The following CACNA1H variants were observed in gnomAD, a reference collection of about 807,000 sequenced individuals.
The protein encoded by CACNA1H is voltage-dependent T-type calcium channel subunit alpha-1H.
In CACNA1H, 149 loss-of-function variants were observed where a neutral mutation model predicts 192.5. The ratio of observed to expected loss-of-function variants is 0.77; its 90% CI spans 0.68 to 0.89. The LOEUF (loss-of-function observed/expected upper bound fraction) is 0.89, where lower values mean the gene tolerates loss of function less well. Among genes scored for constraint, CACNA1H ranks in the 40% least tolerant of loss-of-function variants. The pLI is 0.00. For synonymous variants in CACNA1H, 2,202 were observed against 1,475.2 expected (o/e 1.49, Z -11.29); for missense variants, 4,257 against 3,423.5 (o/e 1.24, Z -6.08).
rs745354512 is a variant in CACNA1H at position 1,207,788 on chromosome 16, G to A, written c.3082G>A (p.Asp1028Asn). The change falls in exon 15 of 35, where the codon GAC (aspartate) becomes AAC (asparagine). Residue 1028 changes from aspartate to asparagine, a missense_variant. Coordinates refer to ENST00000348261, the MANE Select transcript of CACNA1H (RefSeq NM_021098.3). ...FQAEGDANRS[D>N]TDEDKTSVHF... ...GGTTTAGGGCGATGCCAACAGATCC[G>A]ACACGGACGAGGACAAGACGTCGGT... is the stretch of plus-strand genomic sequence containing the variant. 64 of 1,600,472 alleles carry A rather than the reference G, an allele frequency of 4.0e-5. No homozygotes were observed. Among genetic ancestry groups the A allele is most frequent in the East Asian group, 1.8e-4 (8 of 43,980 alleles).
chr16:1,208,306 A>AGGGC, intron 16 of CACNA1H, 85 bp downstream of exon 16: 1 of 925,872 alleles, frequency 1.1e-6, no homozygotes, highest in East Asian at 2.6e-5. Context: ...AAGATGAGTG[A>AGGGC]GGGCCGCACC....
intron 2 of CACNA1H, among the ~76,000 whole-genome samples, chr16:1,181,485 G>T (rs376763204): frequency 6.6e-6 from 1 of 152,230 alleles, no homozygotes; most frequent in Admixed American, 6.5e-5. Flanking sequence ...GGTCCTTGCC[G>T]GTGTGGCTGC....
At position 1,212,298 on chromosome 16, in the gene CACNA1H, C is replaced by T. The variant is rs1194533080; in HGVS notation, c.4759+160C>T. 2.0e-5 allele frequency: 25 copies of T among 1,230,322 alleles called. 1 individual carries two copies. Among genetic ancestry groups the T allele is most frequent in the South Asian group, 1.1e-4 (7 of 63,574 alleles). 76.2% of individuals were successfully genotyped at this position (1,230,322 alleles called of 1,614,324 possible). On this transcript the variant is annotated intron_variant, in intron 25 of 34. Coordinates refer to ENST00000348261, the MANE Select transcript of CACNA1H (RefSeq NM_021098.3). Reference sequence around the variant, plus strand: ...GGGCTGGGCCTTGGAGGGGCTGGCCCGAGAGGGCCGTCGGGGAGCCCGCCA... The same window carrying T: ...GGGCTGGGCCTTGGAGGGGCTGGCCTGAGAGGGCCGTCGGGGAGCCCGCCA...
intron 4 of CACNA1H, 21 bp downstream of exon 4, chr16:1,195,586 G>A (rs1157119281): frequency 1.9e-6 from 3 of 1,583,400 alleles, no homozygotes; most frequent in Non-Finnish European, 2.6e-6. Flanking sequence ...CCTGGGAGAG[G>A]CCACAGCGCT....
At chr16:1,209,530 G>A in intron 17 of CACNA1H, 118 bp downstream of exon 17, 1 of 1,303,880 alleles carries the variant, frequency 7.7e-7, no homozygotes, top group South Asian at 1.4e-5. Context: ...GATTCAGAAG[G>A]GGAGAGAAGC....
rs2995507 is a variant in CACNA1H at position 1,191,446 on chromosome 16, A to G, written c.300-3526A>G. 9.9e-3 allele frequency among the ~76,000 whole-genome samples: 308 copies of G among 31,022 alleles called. 19 individuals carry two copies. Among genetic ancestry groups the G allele is most frequent in the Non-Finnish European group, 0.011 (200 of 17,572 alleles). 20.4% of individuals were successfully genotyped at this position (31,022 alleles called of 152,430 possible). Reference sequence around the variant, plus strand: ...TGGCTGTGTGGCCTCAGGCACACTCAGGGTTTTGGTGACCCAGCAGGCTGG... The same window carrying G: ...TGGCTGTGTGGCCTCAGGCACACTCGGGGTTTTGGTGACCCAGCAGGCTGG... On this transcript the variant is annotated intron_variant, in intron 2 of 34. Coordinates refer to ENST00000348261, the MANE Select transcript of CACNA1H (RefSeq NM_021098.3).
chr16:1,206,213 C>T lies in CACNA1H; in HGVS notation c.2713C>T (p.Leu905Phe), dbSNP rs1208978726. 6 of 1,593,210 alleles carry T rather than the reference C, an allele frequency of 3.8e-6. No individual in the cohort carries two copies. Among genetic ancestry groups the T allele is most frequent in the Non-Finnish European group, 5.1e-6 (6 of 1,170,820 alleles). The change falls in exon 12 of 35, where the codon CTC becomes TTC. Residue 905 changes from leucine (L) to phenylalanine (F), a missense_variant. By Grantham distance (22) the Leu-to-Phe change is conservative. Transcript: ENST00000348261. Reference protein sequence around the residue: ...VRFLPALRRQLVVLVKTMDNV... With the variant: ...VRFLPALRRQFVVLVKTMDNV... The stretch of plus-strand genomic sequence containing the variant: ...CTTTCTGCCAGCCCTGCGGCGCCAG[C>T]TCGTGGTGCTGGTGAAGACCATGGA...
chr16:1,210,608 A>G lies in CACNA1H; in HGVS notation c.3995A>G (p.Asn1332Ser), dbSNP rs1969322876. The G allele has an allele frequency of 6.2e-6, 10 of 1,607,882 alleles. No homozygotes were observed. The highest frequency in any genetic ancestry group is 1.1e-5 in the South Asian group (1 of 91,074). ...GAGCGGGTCTTCCTCAGCGTCTCCAATTACATCTTCACGGCCATCTTCGTG... is the reference window on the plus strand; with the variant it reads ...GAGCGGGTCTTCCTCAGCGTCTCCAGTTACATCTTCACGGCCATCTTCGTG... ...STERVFLSVSNYIFTAIFVAE... is the reference protein window; with the variant it reads ...STERVFLSVSSYIFTAIFVAE... The change falls in exon 20 of 35, where the codon AAT becomes AGT. Residue 1332 changes from asparagine to serine, a missense_variant. By Grantham distance (46) the Asn-to-Ser change is conservative. Coordinates refer to ENST00000348261, the MANE Select transcript of CACNA1H (RefSeq NM_021098.3).
Position 1,200,474 on chromosome 16 carries a change from A to G in CACNA1H, c.1022A>G (p.Asn341Ser), listed in dbSNP as rs1967716996. ...GAARNACINW[N>S]QYYNVCRSGD... ...GCACGCAACGCCTGCATCAACTGGA[A>G]CCAGTACTACAACGTGTGCCGCTCG... Residue 341 changes from asparagine (N) to serine (S), a missense_variant, in exon 7 of 35, where the codon AAC becomes AGC. Coordinates refer to ENST00000348261, the MANE Select transcript of CACNA1H (RefSeq NM_021098.3). 4 of 1,612,076 alleles carry G rather than the reference A, an allele frequency of 2.5e-6. No individual in the cohort carries two copies. Among genetic ancestry groups the G allele is most frequent in the Non-Finnish European group, 3.4e-6 (4 of 1,179,686 alleles).
At chr16:1,161,841 C>T (rs1596297536) in intron 2 of CACNA1H, among the ~76,000 whole-genome samples, 2 of 152,196 alleles carry the variant, frequency 1.3e-5, no homozygotes, top group South Asian at 4.1e-4. Context: ...CTCCTGGGTC[C>T]CCTTGCCGCA....
Position 1,164,256 on chromosome 16 carries a change from T to A in CACNA1H, c.299+10220T>A, listed in dbSNP as rs551540215. On this transcript the variant is annotated intron_variant, in intron 2 of 34. Coordinates refer to ENST00000348261, the MANE Select transcript of CACNA1H (RefSeq NM_021098.3). ...ATGTTTGAGACGGGCGGCAGTGTCG[T>A]CAGTTGCAGGGGTGCAGTCCAAGGC... Among the ~76,000 whole-genome samples the A allele has an allele frequency of 5.3e-5, 8 of 152,326 alleles. No homozygotes were observed. In the South Asian group the frequency reaches 1.5e-3, roughly 28 times the overall value.
Position 1,218,369 on chromosome 16 carries a change from G to T in CACNA1H, c.5605G>T (p.Glu1869Ter), listed in dbSNP as rs1410453199. Residue 1869 changes from glutamate (E) to a stop codon, truncating the protein, a stop_gained, in exon 33 of 35, where the codon GAG becomes TAG. Transcript: ENST00000348261. LOFTEE classifies it high-confidence loss of function. Reference sequence around the variant, plus strand: ...GAAGCACCTGGAGGAGAGCAACAAGGAGGCACGGGAGGATGCGGAGCTGGA... The same window carrying T: ...GAAGCACCTGGAGGAGAGCAACAAGTAGGCACGGGAGGATGCGGAGCTGGA... The part of the protein sequence containing the change: ...LMKHLEESNK[E>*]AREDAELDAE... 1.3e-6 allele frequency: 2 copies of T among 1,561,834 alleles called. No individual in the cohort carries two copies. Among genetic ancestry groups the T allele is most frequent in the Non-Finnish European group, 8.7e-7 (1 of 1,154,048 alleles).
chr16:1,211,270 C>A lies in CACNA1H; in HGVS notation c.4326C>A (p.Ile1442=), dbSNP rs1171391522. ...NIVLICCAFF[I]IFGILGVQLF... is the part of the protein sequence containing the mutation. ...TCCTCATCTGCTGCGCCTTCTTCAT[C>A]ATTTTTGGCATTTTGGGTGTGCAGG... Residue 1442 remains isoleucine (I), a synonymous_variant, in exon 22 of 35, where the codon ATC becomes ATA. Coordinates refer to ENST00000348261, the MANE Select transcript of CACNA1H (RefSeq NM_021098.3). The A allele has an allele frequency of 1.2e-5, 19 of 1,613,008 alleles. No homozygotes were observed. The highest frequency in any genetic ancestry group is 1.6e-5 in the Non-Finnish European group (19 of 1,179,762).
At position 1,210,666 on chromosome 16, in the gene CACNA1H, G is replaced by T. The variant is rs375169106; in HGVS notation, c.4038+15G>T. The T allele has an allele frequency of 7.6e-4, 1,209 of 1,598,618 alleles. 5 individuals are homozygous for T. In the African/African-American group the frequency reaches 0.012, roughly 16 times the overall value. ...TGATGGTGAAGGTACCGCGGGGCCCGGGGACTGCCCTTGTTCCCAGGTCCC... is the reference window on the plus strand; with the variant it reads ...TGATGGTGAAGGTACCGCGGGGCCCTGGGACTGCCCTTGTTCCCAGGTCCC... On this transcript the variant is annotated intron_variant, in intron 20 of 34. Transcript: ENST00000348261.
intron 2 of CACNA1H, among the ~76,000 whole-genome samples, chr16:1,187,788 C>T (rs1596360319): frequency 6.6e-6 from 1 of 152,220 alleles, no homozygotes; most frequent in South Asian, 2.1e-4. Context: ...AGTCCCCTCC[C>T]TGGTGGTCTG....
At chr16:1,174,943 C>A (rs1964725024) in intron 2 of CACNA1H, among the ~76,000 whole-genome samples, 1 of 149,180 alleles carries the variant, frequency 6.7e-6, no homozygotes, top group Non-Finnish European at 1.5e-5. Flanking sequence ...CACGTCCACC[C>A]CCCCACCCCC....
At chr16:1,166,488 A>T (rs1319674082) in intron 2 of CACNA1H, among the ~76,000 whole-genome samples, 1 of 151,992 alleles carries the variant, frequency 6.6e-6, no homozygotes, top group Non-Finnish European at 1.5e-5. Flanking sequence ...TAATTTATCC[A>T]CCACCTAACT....
At chr16:1,197,155 T>C (rs1295180207) in intron 5 of CACNA1H, among the ~76,000 whole-genome samples, 2 of 152,230 alleles carry the variant, frequency 1.3e-5, no homozygotes, top group African/African-American at 4.8e-5. Flanking sequence ...CTGCCTTGGC[T>C]CTACTGTGTG....
intron 8 of CACNA1H, 50 bp downstream of exon 8, chr16:1,200,858 CTG>C (rs1365193621): frequency 2.3e-6 from 3 of 1,333,224 alleles, no homozygotes; most frequent in Non-Finnish European, 3.1e-6. Flanking sequence ...TGTTAGCTGG[CTG>C]GGGGTGGGGT....
Sources: gnomAD v4.1 joint callset for allele counts (sites outside exome capture counted in the v4.1 genomes callset) on GRCh38, gnomAD v4.1.1 for gene constraint, MANE v1.5 for transcripts, NCBI Gene and HGNC (gene_info 2026-07-23, HGNC 2026-07-21) for gene names.